Variants in PITPNC1 observed in about 807,000 individuals in gnomAD.
PITPNC1 encodes cytoplasmic phosphatidylinositol transfer protein 1.
Under a neutral mutation model 44.7 loss-of-function variants are expected in PITPNC1, and 18 were observed. The observed-to-expected ratio is 0.40, with a 90% CI of 0.28 to 0.60. PITPNC1 has a LOEUF of 0.60. PITPNC1 is among the 20% of genes least tolerant of loss of function. The pLI is 0.39. For synonymous variants in PITPNC1, 141 were observed against 149.6 expected, an observed-to-expected ratio of 0.94 and a Z score of 0.42; for missense variants, 290 against 418.4, an observed-to-expected ratio of 0.69 and a Z score of 2.68.
In PITPNC1 at chr17:67,582,944, C is replaced by G. The variant is rs536368391; in HGVS notation, c.366+4687C>G. Among the ~76,000 whole-genome samples, 4 of 152,282 alleles carry G rather than the reference C, an allele frequency of 2.6e-5. No homozygotes were observed. The South Asian group carries it at 6.2e-4, about 24-fold the overall frequency. ...TGTTCAATGGGGTTAATGGGGGCAG[C>G]CTTGCTACTTTACTTCCTCTTCCAA... On this transcript the variant is annotated intron_variant, in intron 5 of 8. Transcript: ENST00000581322.
chr17:67,472,651 G>GAA (rs780986823), intron 1 of PITPNC1, among the ~76,000 whole-genome samples: 2 of 99,286 alleles, frequency 2.0e-5, no homozygotes, highest in African/African-American at 3.3e-5. Flanking sequence ...TGTCTCAAAA[G>GAA]AAAAAAAAAA....
At chr17:67,470,493 C>A (rs910506390) in intron 1 of PITPNC1, among the ~76,000 whole-genome samples, 1 of 152,222 alleles carries the variant, frequency 6.6e-6, no homozygotes, top group Non-Finnish European at 1.5e-5. Context: ...TGCAGTCATA[C>A]AGATGTAGTC....
intron 1 of PITPNC1, among the ~76,000 whole-genome samples, chr17:67,528,752 GA>G (rs2040423030): frequency 6.6e-6 from 1 of 152,200 alleles, no homozygotes; most frequent in Non-Finnish European, 1.5e-5. Flanking sequence ...CCCAGAGTCT[GA>G]ATGGAGAAGG....
At chr17:67,659,898 G>C (rs1341414315) in intron 6 of PITPNC1, among the ~76,000 whole-genome samples, 2 of 150,914 alleles carry the variant, frequency 1.3e-5, no homozygotes, top group Non-Finnish European at 2.9e-5. Flanking sequence ...GTTTTTTTTA[G>C]AGACAGAGTC....
At chr17:67,668,331 T>A (rs1330535562) in intron 6 of PITPNC1, among the ~76,000 whole-genome samples, 1 of 152,234 alleles carries the variant, frequency 6.6e-6, no homozygotes, top group East Asian at 1.9e-4. Flanking sequence ...TTTTCATTGC[T>A]GTGTAGTATT....
intron 1 of PITPNC1, among the ~76,000 whole-genome samples, chr17:67,506,424 A>G (rs2040101544): frequency 6.6e-6 from 1 of 152,168 alleles, no homozygotes; most frequent in South Asian, 2.1e-4. Flanking sequence ...GGGAGAAGGA[A>G]TGGCCCTCAT....
At chr17:67,520,290 T>C (rs574565089) in intron 1 of PITPNC1, among the ~76,000 whole-genome samples, 1 of 152,140 alleles carries the variant, frequency 6.6e-6, no homozygotes, top group Admixed American at 6.5e-5. Flanking sequence ...GACAAAGAGG[T>C]CACAAGCGGA....
intron 4 of PITPNC1, among the ~76,000 whole-genome samples, chr17:67,554,198 T>A (rs1338536195): frequency 6.6e-6 from 1 of 151,756 alleles, no homozygotes. Context: ...TTCATTTAGA[T>A]CATTTTCCCA....
intron 1 of PITPNC1, among the ~76,000 whole-genome samples, chr17:67,472,332 T>TAAAAAAAA (rs751090662): frequency 1.7e-4 from 7 of 41,416 alleles, no homozygotes; most frequent in African/African-American, 2.1e-4. Context: ...GCTGTTGAGC[T>TAAAAAAAA]AAAAAAAAAA....
intron 1 of PITPNC1, among the ~76,000 whole-genome samples, chr17:67,433,075 C>T (rs1249097902): frequency 6.6e-6 from 1 of 152,036 alleles, no homozygotes; most frequent in African/African-American, 2.4e-5. Flanking sequence ...CTTGAGGAGG[C>T]GACAGTTGAG....
intron 4 of PITPNC1, among the ~76,000 whole-genome samples, chr17:67,573,028 G>A (rs1790604326): frequency 6.6e-6 from 1 of 152,182 alleles, no homozygotes; most frequent in South Asian, 2.1e-4. Flanking sequence ...TTGGTTTCAG[G>A]CTTCTGGCCT....
chr17:67,606,253 CAA>C (rs1324895133), intron 5 of PITPNC1, among the ~76,000 whole-genome samples: 1 of 152,104 alleles, frequency 6.6e-6, no homozygotes, highest in African/African-American at 2.4e-5. Context: ...AAATGAGAGA[CAA>C]GAGGGAAAAG....
chr17:67,507,323 G>A (rs1382383787), intron 1 of PITPNC1, among the ~76,000 whole-genome samples: 3 of 152,140 alleles, frequency 2.0e-5, no homozygotes, highest in Non-Finnish European at 4.4e-5. Flanking sequence ...AAAAACTTGG[G>A]AGAGGAGTTC....
At chr17:67,394,766 C>T (rs931878047) in intron 1 of PITPNC1, among the ~76,000 whole-genome samples, 2 of 151,970 alleles carry the variant, frequency 1.3e-5, no homozygotes, top group African/African-American at 2.4e-5. Flanking sequence ...TGGTGGCGGG[C>T]GCCTGTAGTC....
At chr17:67,612,030 T>A (rs2041694249) in intron 5 of PITPNC1, 1 of 152,240 alleles carries the variant, frequency 6.6e-6, no homozygotes. Flanking sequence ...CAGCTGAATG[T>A]TATTCAAAAT....
At chr17:67,422,016 G>A (rs546719325) in intron 1 of PITPNC1, among the ~76,000 whole-genome samples, 12 of 152,194 alleles carry the variant, frequency 7.9e-5, no homozygotes, top group Non-Finnish European at 1.2e-4. Flanking sequence ...AGTGCGAGAT[G>A]AGCCAAGAAT....
chr17:67,579,043 GCTTA>G (rs1262309270), intron 5 of PITPNC1, among the ~76,000 whole-genome samples: 1 of 152,224 alleles, frequency 6.6e-6, no homozygotes, highest in South Asian at 2.1e-4. Flanking sequence ...CTGCATGCAT[GCTTA>G]CTTACACACA....
chr17:67,384,826 A>G (rs1419143037), intron 1 of PITPNC1, among the ~76,000 whole-genome samples: 2 of 152,184 alleles, frequency 1.3e-5, no homozygotes, highest in Non-Finnish European at 2.9e-5. Context: ...TGGCGTCAAT[A>G]CCTCTGAATA....
intron 8 of PITPNC1, among the ~76,000 whole-genome samples, chr17:67,677,177 C>T (rs2042618512): frequency 6.6e-6 from 1 of 152,148 alleles, no homozygotes; most frequent in African/African-American, 2.4e-5. Flanking sequence ...TGGTCTCTCC[C>T]AGCTTGTGCT....
Sources: allele counts gnomAD v4.1 joint callset (sites outside exome capture counted in the v4.1 genomes callset), GRCh38; gene constraint gnomAD v4.1.1; transcripts MANE v1.5; gene names NCBI Gene and HGNC (gene_info 2026-07-23, HGNC 2026-07-21).